RASGRF2: variants seen among roughly 807,000 people sequenced by gnomAD.
RASGRF2 encodes the protein Ras protein specific guanine nucleotide releasing factor 2.
In RASGRF2, 76 loss-of-function variants were observed where a neutral mutation model predicts 151.0. The ratio of observed to expected loss-of-function variants is 0.50; its 90% confidence interval spans 0.42 to 0.61. RASGRF2 has a LOEUF of 0.61. RASGRF2 is among the 20% of genes least tolerant of loss of function. RASGRF2 has a pLI of 0.00. For missense variants in RASGRF2, 1,148 were observed against 1,564.6 expected (o/e 0.73, Z 4.49); for synonymous variants, 504 against 566.5 (o/e 0.89, Z 1.57).
chr5:81,141,086 G>A (rs1335049589), intron 17 of RASGRF2, among the ~76,000 whole-genome samples: 1 of 152,064 alleles, frequency 6.6e-6, no homozygotes, highest in Non-Finnish European at 1.5e-5. Flanking sequence ...ATACTGTCCA[G>A]GCCAAACACA....
At chr5:81,174,839 A>C (rs6876203) in intron 17 of RASGRF2, among the ~76,000 whole-genome samples, 3 of 152,176 alleles carry the variant, frequency 2.0e-5, no homozygotes, top group Non-Finnish European at 4.4e-5. Flanking sequence ...AATATGAAAC[A>C]TATCTGTCTA....
intron 2 of RASGRF2, among the ~76,000 whole-genome samples, chr5:81,053,584 A>G (rs1052753675): frequency 6.6e-6 from 1 of 152,176 alleles, no homozygotes; most frequent in African/African-American, 2.4e-5. Flanking sequence ...TGCAATAAAC[A>G]TACGTGTGCA....
rs1032215845 is a variant in RASGRF2 at position 81,059,345 on chromosome 5, C to T, written c.396-8687C>T. Among the ~76,000 whole-genome samples the T allele has an allele frequency of 4.8e-5, 7 of 146,290 alleles. 1 individual carries two copies. The highest frequency in any genetic ancestry group is 1.0e-4 in the African/African-American group (4 of 39,338). ...GTTGCAGTGAGTTGATATCGCACCA[C>T]TGCACTCCAGCCTGGGTGACAGAGC... is the stretch of plus-strand genomic sequence containing the variant. On this transcript the variant is annotated intron_variant, in intron 2 of 26. Transcript: ENST00000265080.
At chr5:81,003,282 G>A (rs1249901851) in intron 1 of RASGRF2, among the ~76,000 whole-genome samples, 2 of 148,872 alleles carry the variant, frequency 1.3e-5, no homozygotes, top group Admixed American at 6.8e-5. Context: ...GAGTGCAATG[G>A]CGCGATCTCG....
Position 80,969,815 on chromosome 5 carries a change from C to CTTTTTTTT in RASGRF2, c.288+8810_288+8817dup, listed in dbSNP as rs10584906. Among the ~76,000 whole-genome samples, 74 of 76,946 alleles carry CTTTTTTTT rather than the reference C, an allele frequency of 9.6e-4. 4 individuals are homozygous for CTTTTTTTT. Among genetic ancestry groups the CTTTTTTTT allele is most frequent in the African/African-American group, 3.2e-3 (48 of 14,816 alleles). 50.5% of individuals were successfully genotyped at this position (76,946 alleles called of 152,430 possible). A position where few individuals can be genotyped will look rare whatever the true frequency, so the allele number is the denominator to read the frequency against. On this transcript the variant is annotated intron_variant, in intron 1 of 26. Transcript: ENST00000265080. ...ACAGATGCCAATAATACTTCTTCTT[C>CTTTTTTTT]TTTTTTTTTTTTTTTTTTTTTTTTT...
intron 18 of RASGRF2, among the ~76,000 whole-genome samples, chr5:81,194,966 A>G (rs1490234740): frequency 6.6e-6 from 1 of 152,228 alleles, no homozygotes; most frequent in Non-Finnish European, 1.5e-5. Context: ...GCCACCTTTG[A>G]GAGCAGGGCG....
chr5:81,061,415 A>G (rs1245395589), intron 2 of RASGRF2, among the ~76,000 whole-genome samples: 4 of 152,134 alleles, frequency 2.6e-5, no homozygotes, highest in Non-Finnish European at 1.5e-5. Flanking sequence ...ATATGACAAT[A>G]TCTATTTACT....
intron 18 of RASGRF2, among the ~76,000 whole-genome samples, chr5:81,185,458 G>A (rs1318989103): frequency 6.6e-6 from 1 of 152,156 alleles, no homozygotes. Flanking sequence ...GACGCTGGGT[G>A]AAAAAGACCA....
intron 12 of RASGRF2, among the ~76,000 whole-genome samples, chr5:81,106,664 G>A (rs1752855506): frequency 6.6e-6 from 1 of 152,116 alleles, no homozygotes; most frequent in Admixed American, 6.6e-5. Flanking sequence ...ATTTTCATCA[G>A]GTCCTGACAG....
chr5:81,011,329 G>A (rs1485422321), intron 1 of RASGRF2, among the ~76,000 whole-genome samples: 1 of 151,882 alleles, frequency 6.6e-6, no homozygotes. Context: ...AGTTTATTTA[G>A]CTATCGCTTT....
chr5:81,129,607 A>C (rs188308535), intron 17 of RASGRF2, among the ~76,000 whole-genome samples: 2 of 152,322 alleles, frequency 1.3e-5, no homozygotes, highest in East Asian at 3.9e-4. Flanking sequence ...TCAGAATAAC[A>C]AAAAGCAGTC....
intron 1 of RASGRF2, among the ~76,000 whole-genome samples, chr5:80,996,639 G>A (rs1299774091): frequency 2.9e-5 from 4 of 138,132 alleles, no homozygotes; most frequent in Non-Finnish European, 4.6e-5. Flanking sequence ...TTGTCCTGTC[G>A]CCCAGGCTGA....
chr5:81,005,719 A>C (rs1011989022), intron 1 of RASGRF2, among the ~76,000 whole-genome samples: 2 of 152,078 alleles, frequency 1.3e-5, no homozygotes, highest in African/African-American at 4.8e-5. Context: ...GACATTTTTG[A>C]GTAGACATAT....
At chr5:81,031,888 T>C (rs191814767) in intron 1 of RASGRF2, among the ~76,000 whole-genome samples, 1,525 of 151,800 alleles carry the variant, frequency 0.01, 28 homozygotes, top group African/African-American at 0.033. Flanking sequence ...ATCAACAAAA[T>C]TGATAGACCG....
intron 17 of RASGRF2, among the ~76,000 whole-genome samples, chr5:81,165,691 A>G (rs1754489607): frequency 6.6e-6 from 1 of 152,098 alleles, no homozygotes. Flanking sequence ...TAACTATATC[A>G]ACAGCCCCAC....
intron 4 of RASGRF2, among the ~76,000 whole-genome samples, chr5:81,072,776 G>A (rs1193201163): frequency 2.6e-5 from 4 of 152,098 alleles, no homozygotes; most frequent in Non-Finnish European, 5.9e-5. Context: ...GGAACTCTTG[G>A]GCTCAAGTGA....
chr5:81,067,090 C>G (rs2112450464), intron 2 of RASGRF2, among the ~76,000 whole-genome samples: 1 of 152,294 alleles, frequency 6.6e-6, no homozygotes, highest in Admixed American at 6.5e-5. Context: ...GCTGTGCGAT[C>G]TGAGGTCAGT....
rs531092889 is a variant in RASGRF2 at position 81,058,239 on chromosome 5, C to T, written c.396-9793C>T. Among the ~76,000 whole-genome samples, 16 of 125,982 alleles carry T rather than the reference C, an allele frequency of 1.3e-4. No individual in the cohort carries two copies. In the East Asian group the frequency reaches 2.7e-3, roughly 21 times the overall value. The allele number at this position is 125,982 out of a possible 152,430, so 82.6% of individuals were successfully genotyped here. ...TTGTTGTGGGAGTTGAACTAAAAAGCGAAAATACAAAATAAAAAAATAGCT... is the reference window on the plus strand; with the variant it reads ...TTGTTGTGGGAGTTGAACTAAAAAGTGAAAATACAAAATAAAAAAATAGCT... On this transcript the variant is annotated intron_variant, in intron 2 of 26. Coordinates refer to ENST00000265080, the MANE Select transcript of RASGRF2 (RefSeq NM_006909.3).
At chr5:81,076,755 GT>G (rs1751951205) in intron 5 of RASGRF2, among the ~76,000 whole-genome samples, 1 of 152,248 alleles carries the variant, frequency 6.6e-6, no homozygotes. Context: ...AGAGAAAGAG[GT>G]GTGGAATAGT....
Sources: gnomAD v4.1 joint callset for allele counts (sites outside exome capture counted in the v4.1 genomes callset) on GRCh38, gnomAD v4.1.1 for gene constraint, MANE v1.5 for transcripts, NCBI Gene and HGNC (gene_info 2026-07-23, HGNC 2026-07-21) for gene names.